KSR2: variants seen among roughly 807,000 people sequenced by gnomAD.
KSR2 encodes the protein kinase suppressor of ras 2.
Under a neutral mutation model 107.8 loss-of-function variants are expected in KSR2, and 25 were observed. That is an observed-to-expected ratio of 0.23 (90% confidence interval 0.17 to 0.32). KSR2 has a LOEUF of 0.32. KSR2 is among the 10% of genes least tolerant of loss of function. KSR2 has a pLI of 1.00. For synonymous variants in KSR2, 480 were observed against 507.0 expected (o/e 0.95, Z 0.71); for missense variants, 887 against 1,268.9 (o/e 0.70, Z 4.57).
Position 117,589,032 on chromosome 12 carries a change from A to G in KSR2, c.1172-6673T>C, listed in dbSNP as rs1438612145. ...GAAAGTAAGGATAACTAAATTGTTC[A>G]AAGTCATATAGCTAAAGTTCACCAA... On this transcript the variant is annotated intron_variant, in intron 5 of 19. Transcript: ENST00000339824. 2.0e-5 allele frequency among the ~76,000 whole-genome samples: 3 copies of G among 152,216 alleles called. No individual in the cohort carries two copies. The East Asian group carries it at 5.8e-4, about 29-fold the overall frequency.
chr12:117,604,847 C>T (rs1475524375), intron 5 of KSR2, among the ~76,000 whole-genome samples: 5 of 152,226 alleles, frequency 3.3e-5, no homozygotes, highest in East Asian at 1.9e-4. Flanking sequence ...GGAGGTGGCC[C>T]GCTGCTCAGC....
At chr12:117,787,401 G>A (rs1456134188) in intron 3 of KSR2, among the ~76,000 whole-genome samples, 2 of 152,338 alleles carry the variant, frequency 1.3e-5, no homozygotes, top group South Asian at 2.1e-4. Context: ...GGGAGGCCAC[G>A]GCGGGCGGAT....
At chr12:117,500,045 TAAG>T (rs1455860498) in intron 14 of KSR2, among the ~76,000 whole-genome samples, 1 of 151,768 alleles carries the variant, frequency 6.6e-6, no homozygotes, top group Non-Finnish European at 1.5e-5. Context: ...GATGGGAAGA[TAAG>T]GAGATGGGGA....
At chr12:117,837,107 C>T (rs1892248664) in intron 3 of KSR2, among the ~76,000 whole-genome samples, 1 of 152,168 alleles carries the variant, frequency 6.6e-6, no homozygotes, top group Non-Finnish European at 1.5e-5. Context: ...AAGGCCCCGT[C>T]GGAGTAGGCT....
chr12:117,965,602 T>G (rs562755206), intron 1 of KSR2, among the ~76,000 whole-genome samples: 38 of 152,344 alleles, frequency 2.5e-4, no homozygotes, highest in African/African-American at 8.9e-4. Flanking sequence ...TCTATTCAAT[T>G]TATTACTTGC....
intron 3 of KSR2, among the ~76,000 whole-genome samples, chr12:117,837,686 C>G (rs1392045699): frequency 6.6e-6 from 1 of 152,114 alleles, no homozygotes; most frequent in Admixed American, 6.5e-5. Context: ...ATCCTGGTAT[C>G]CGGTTACAAA....
At chr12:117,941,353 T>G (rs1895999060) in intron 1 of KSR2, among the ~76,000 whole-genome samples, 1 of 150,454 alleles carries the variant, frequency 6.6e-6, no homozygotes, top group South Asian at 2.1e-4. Flanking sequence ...AACTCACACC[T>G]CTTTCTGATG....
At chr12:117,478,302 C>T (rs762474734) in intron 16 of KSR2, among the ~76,000 whole-genome samples, 21 of 152,264 alleles carry the variant, frequency 1.4e-4, no homozygotes, top group Non-Finnish European at 2.2e-4. Flanking sequence ...CAGCATTATG[C>T]GATAGAACTT....
chr12:117,683,931 G>A (rs1016012864), intron 4 of KSR2, among the ~76,000 whole-genome samples: 3 of 152,190 alleles, frequency 2.0e-5, no homozygotes, highest in Non-Finnish European at 2.9e-5. Context: ...AAGTGAACAC[G>A]TATGACCATG....
chr12:117,572,349 C>T (rs189742513), intron 7 of KSR2, among the ~76,000 whole-genome samples: 21 of 152,224 alleles, frequency 1.4e-4, no homozygotes, highest in Admixed American at 9.2e-4. Flanking sequence ...GTAAAATGCA[C>T]GTTTCTAGGC....
intron 3 of KSR2, among the ~76,000 whole-genome samples, chr12:117,792,409 G>C (rs1530542): frequency 0.051 from 7,697 of 152,028 alleles, 373 homozygotes; most frequent in African/African-American, 0.13. Context: ...ACCTGCTTAC[G>C]CTACATGCAA....
chr12:117,944,823 A>G (rs1386695461), intron 1 of KSR2, among the ~76,000 whole-genome samples: 2 of 152,102 alleles, frequency 1.3e-5, no homozygotes, highest in Non-Finnish European at 2.9e-5. Context: ...TCGCCATCGC[A>G]CTCCAGCCTG....
intron 9 of KSR2, among the ~76,000 whole-genome samples, chr12:117,547,460 G>T (rs1876954841): frequency 6.6e-6 from 1 of 152,044 alleles, no homozygotes. Context: ...TGGGTGAGGG[G>T]GGTGTTCCTT....
In KSR2 at chr12:117,499,114, C is replaced by G. The variant is rs1457177181; in HGVS notation, c.2220-13423G>C. 5.3e-5 allele frequency among the ~76,000 whole-genome samples: 8 copies of G among 152,248 alleles called. No homozygotes were observed. The East Asian group carries it at 1.5e-3, about 29-fold the overall frequency. ...AGACCACTGGTCCTGCCCTCTAGGG[C>G]TAGACATCAAAGGATATCAAAACGC... On this transcript the variant is annotated intron_variant, in intron 14 of 19. Transcript: ENST00000339824.
At chr12:117,843,379 AG>A (rs1892569141) in intron 3 of KSR2, among the ~76,000 whole-genome samples, 1 of 152,146 alleles carries the variant, frequency 6.6e-6, no homozygotes, top group South Asian at 2.1e-4. Context: ...TCAGGAACTG[AG>A]CCCCGACCAT....
chr12:117,732,906 G>A (rs1038251019), intron 4 of KSR2, among the ~76,000 whole-genome samples: 6 of 152,104 alleles, frequency 3.9e-5, no homozygotes, highest in African/African-American at 7.2e-5. Context: ...GCAGTGCCCC[G>A]CCCTGCGAGA....
intron 5 of KSR2, among the ~76,000 whole-genome samples, chr12:117,614,335 T>A (rs949540286): frequency 2.6e-5 from 4 of 152,210 alleles, no homozygotes; most frequent in Non-Finnish European, 5.9e-5. Flanking sequence ...GCAATAAGCA[T>A]AAATTACTTT....
chr12:117,841,871 G>T (rs1892496318), intron 3 of KSR2, among the ~76,000 whole-genome samples: 1 of 152,234 alleles, frequency 6.6e-6, no homozygotes, highest in Non-Finnish European at 1.5e-5. Flanking sequence ...TGAGGTTGTT[G>T]AAGAATTAAA....
intron 5 of KSR2, among the ~76,000 whole-genome samples, chr12:117,637,811 A>G (rs1883186008): frequency 6.8e-6 from 1 of 147,548 alleles, no homozygotes; most frequent in African/African-American, 2.5e-5. Context: ...TCTTATTTTT[A>G]CATAAATGCC....
Sources: gnomAD v4.1 joint callset for allele counts (sites outside exome capture counted in the v4.1 genomes callset) on GRCh38, gnomAD v4.1.1 for gene constraint, MANE v1.5 for transcripts, NCBI Gene and HGNC (gene_info 2026-07-23, HGNC 2026-07-21) for gene names.